Variants in AFG2A observed in about 807,000 individuals in gnomAD.
AFG2A encodes AAA ATPase AFG2A, also known as ATPase family gene 2 protein homolog A.
the AFG2A span, among the ~76,000 whole-genome samples, chr4:123,304,645 T>C: frequency 2.0e-5 from 3 of 152,216 alleles, no homozygotes; most frequent in East Asian, 1.9e-4. Context: ...TTTGAAGCAC[T>C]GCAGCCCATT....
At chr4:123,218,363 T>TA in the AFG2A span, among the ~76,000 whole-genome samples, 1 of 152,196 alleles carries the variant, frequency 6.6e-6, no homozygotes, top group Non-Finnish European at 1.5e-5. Flanking sequence ...AGGTTTTTGT[T>TA]AGAGTGTTTT....
At chr4:123,003,356 G>A in the AFG2A span, among the ~76,000 whole-genome samples, 8 of 152,328 alleles carry the variant, frequency 5.3e-5, no homozygotes, top group East Asian at 5.8e-4. Flanking sequence ...GAGGAGCTGC[G>A]TTCCTTTGGA....
the AFG2A span, among the ~76,000 whole-genome samples, chr4:123,112,341 T>G: frequency 1.3e-5 from 2 of 152,212 alleles, no homozygotes; most frequent in Non-Finnish European, 2.9e-5. Context: ...AATTTTTGTT[T>G]GTTTTATGTG....
At chr4:123,185,196 CCTTT>C in the AFG2A span, among the ~76,000 whole-genome samples, 3 of 103,148 alleles carry the variant, frequency 2.9e-5, no homozygotes, top group East Asian at 8.2e-4. Flanking sequence ...TAATAGTTAA[CCTTT>C]ATTTAGCTAC....
the AFG2A span, among the ~76,000 whole-genome samples, chr4:123,296,728 G>T: frequency 1.3e-5 from 2 of 152,306 alleles, no homozygotes; most frequent in Non-Finnish European, 2.9e-5. Flanking sequence ...TCTCTGTACT[G>T]TTGTATGTGT....
the AFG2A span, among the ~76,000 whole-genome samples, chr4:123,308,180 G>T: frequency 6.6e-6 from 1 of 152,306 alleles, no homozygotes; most frequent in Non-Finnish European, 1.5e-5. Flanking sequence ...CTGTATTCTT[G>T]CTAGAATTTC....
chr4:123,071,614 C>G, the AFG2A span, among the ~76,000 whole-genome samples: 2 of 152,106 alleles, frequency 1.3e-5, no homozygotes, highest in Non-Finnish European at 1.5e-5. Flanking sequence ...TGGAAAAATA[C>G]ATGCTTTTAT....
chr4:123,133,758 T>C, the AFG2A span, among the ~76,000 whole-genome samples: 2 of 152,220 alleles, frequency 1.3e-5, no homozygotes, highest in Non-Finnish European at 2.9e-5. Flanking sequence ...TCACTAACGG[T>C]GGATAAGGAT....
the AFG2A span, among the ~76,000 whole-genome samples, chr4:123,230,334 C>T: frequency 3.3e-5 from 5 of 152,020 alleles, no homozygotes; most frequent in Non-Finnish European, 7.4e-5. Flanking sequence ...ACAGCGTCTT[C>T]ACCAGGAGTA....
chr4:123,302,269 A>G, the AFG2A span, among the ~76,000 whole-genome samples: 1,321 of 152,206 alleles, frequency 8.7e-3, 24 homozygotes, highest in African/African-American at 0.03. Flanking sequence ...CTCTTTGCCC[A>G]GGACCAACCT....
the AFG2A span, among the ~76,000 whole-genome samples, chr4:123,102,715 T>G: frequency 1.3e-5 from 2 of 151,780 alleles, no homozygotes; most frequent in Non-Finnish European, 2.9e-5. Flanking sequence ...TTAAAGTCAC[T>G]AGTAGAAGGG....
At chr4:123,101,332 T>G in the AFG2A span, among the ~76,000 whole-genome samples, 2 of 151,924 alleles carry the variant, frequency 1.3e-5, no homozygotes, top group Non-Finnish European at 1.5e-5. Flanking sequence ...TTAAGAATAC[T>G]ATCTGGGTAA....
chr4:123,108,864 G>A, the AFG2A span, among the ~76,000 whole-genome samples: 2 of 152,024 alleles, frequency 1.3e-5, no homozygotes, highest in South Asian at 2.1e-4. Context: ...GGGGCTTAAC[G>A]CATTTTTTTT....
At chr4:123,131,289 T>C in the AFG2A span, among the ~76,000 whole-genome samples, 1 of 152,168 alleles carries the variant, frequency 6.6e-6, no homozygotes, top group South Asian at 2.1e-4. Flanking sequence ...GTATAATGTC[T>C]CCTATGGGGA....
the AFG2A span, among the ~76,000 whole-genome samples, chr4:123,126,186 A>G: frequency 3.3e-5 from 5 of 152,172 alleles, no homozygotes; most frequent in Non-Finnish European, 7.4e-5. Flanking sequence ...TGCACGTACT[A>G]TTATACATTC....
the AFG2A span, among the ~76,000 whole-genome samples, chr4:123,140,844 G>A: frequency 1.3e-5 from 2 of 151,974 alleles, no homozygotes; most frequent in Admixed American, 6.6e-5. Flanking sequence ...TTGTTTGGTG[G>A]TACATGGAAA....
At chr4:123,126,082 C>A in the AFG2A span, among the ~76,000 whole-genome samples, 1 of 152,192 alleles carries the variant, frequency 6.6e-6, no homozygotes, top group Non-Finnish European at 1.5e-5. Flanking sequence ...GTTGCCCATA[C>A]CCCATGCAGC....
the AFG2A span, among the ~76,000 whole-genome samples, chr4:123,098,886 T>C: frequency 1.3e-5 from 2 of 152,008 alleles, no homozygotes; most frequent in African/African-American, 4.8e-5. Flanking sequence ...TACTCAATAG[T>C]GGAATTGCTG....
At chr4:123,279,356 G>A in the AFG2A span, among the ~76,000 whole-genome samples, 2 of 151,752 alleles carry the variant, frequency 1.3e-5, no homozygotes, top group African/African-American at 4.8e-5. Context: ...GTTGCAGTGA[G>A]CCAGGATCAT....
Sources: gnomAD v4.1 joint callset for allele counts (sites outside exome capture counted in the v4.1 genomes callset) on GRCh38, gnomAD v4.1.1 for gene constraint, MANE v1.5 for transcripts, NCBI Gene and HGNC (gene_info 2026-07-23, HGNC 2026-07-21) for gene names.